Variants in FUT8 observed in about 807,000 individuals in gnomAD.
FUT8 encodes the protein alpha-(1,6)-fucosyltransferase.
A neutral mutation model predicts 71.3 loss-of-function variants in FUT8; 29 were observed. The observed-to-expected ratio is 0.41, with a 90% CI of 0.30 to 0.55. FUT8 has a LOEUF of 0.55. Ranked by LOEUF, FUT8 falls within the 20% of genes least tolerant of loss-of-function variation. The pLI is 0.34. For synonymous variants in FUT8, 254 were observed against 239.3 expected, an observed-to-expected ratio of 1.06 and a Z score of -0.57; for missense variants, 544 against 702.1, an observed-to-expected ratio of 0.77 and a Z score of 2.55.
chr14:65,742,150 T>A lies in FUT8; in HGVS notation c.1468T>A (p.Phe490Ile). The stretch of plus-strand genomic sequence containing the variant: ...ACTACATCCTGATGCCTCTGCAAAC[T>A]TCCATTCTTTAGATGACATCTACTA... ...QTLHPDASAN[F>I]HSLDDIYYFG... Residue 490 changes from phenylalanine (F) to isoleucine (I), a missense_variant, in exon 11 of 11, where the codon TTC (phenylalanine) becomes ATC (isoleucine). By Grantham distance (21) the Phe-to-Ile change is conservative (BLOSUM62 0). Coordinates refer to ENST00000673929, the MANE Select transcript of FUT8 (RefSeq NM_001371533.1). 1 of 1,613,116 alleles carries A rather than the reference T, an allele frequency of 6.2e-7. No individual in the cohort carries two copies. Among genetic ancestry groups the A allele is most frequent in the Non-Finnish European group, 8.5e-7 (1 of 1,179,386 alleles).
chr14:65,537,844 T>A (rs1350062859), intron 2 of FUT8, among the ~76,000 whole-genome samples: 1 of 152,250 alleles, frequency 6.6e-6, no homozygotes. Flanking sequence ...CTGTGAACTG[T>A]TGTGCTGGAG....
chr14:65,423,991 C>T (rs2139398208), intron 1 of FUT8, among the ~76,000 whole-genome samples: 1 of 152,294 alleles, frequency 6.6e-6, no homozygotes, highest in East Asian at 1.9e-4. Context: ...CTGCAGACCT[C>T]AATCTACAGT....
Position 65,669,261 on chromosome 14 carries a change from A to G in FUT8, c.616A>G (p.Lys206Glu). The G allele has an allele frequency of 6.2e-7, 1 of 1,613,636 alleles. No individual in the cohort carries two copies. The highest frequency in any genetic ancestry group is 8.5e-7 in the Non-Finnish European group (1 of 1,179,828). ...TYLQNPKDCS[K>E]AKKLVCNINK... ...CTGACAGAATCCCAAGGACTGCAGCAAAGCCAAAAAGCTGGTGTGTAATAT... is the reference window on the plus strand; with the variant it reads ...CTGACAGAATCCCAAGGACTGCAGCGAAGCCAAAAAGCTGGTGTGTAATAT... Residue 206 changes from lysine (K) to glutamate (E), a missense_variant, in exon 7 of 11, where the codon AAA (lysine) becomes GAA (glutamate). Transcript: ENST00000673929. This position sits in a 1 kb window ranked among gnomAD's most constrained non-coding sequence, Gnocchi z 4.5.
chr14:65,376,384 G>A, the FUT8 span, among the ~76,000 whole-genome samples: 1 of 152,146 alleles, frequency 6.6e-6, no homozygotes, highest in South Asian at 2.1e-4. Context: ...AGCAAGAAAT[G>A]AAAATCTCTC....
intron 2 of FUT8, among the ~76,000 whole-genome samples, chr14:65,534,016 G>T (rs536978965): frequency 1.3e-5 from 2 of 152,278 alleles, no homozygotes; most frequent in East Asian, 3.9e-4. Flanking sequence ...TATGCTTCCG[G>T]ATTTGTTTCG....
At chr14:65,536,522 G>C (rs1174353639) in intron 2 of FUT8, among the ~76,000 whole-genome samples, 1 of 152,100 alleles carries the variant, frequency 6.6e-6, no homozygotes, top group Admixed American at 6.5e-5. Flanking sequence ...AGTTTAGTTT[G>C]GCCAGTTATG....
At chr14:65,530,324 A>G (rs2139907803) in intron 2 of FUT8, among the ~76,000 whole-genome samples, 1 of 152,308 alleles carries the variant, frequency 6.6e-6, no homozygotes, top group Non-Finnish European at 1.5e-5. Flanking sequence ...TTATTACAGA[A>G]ATCAGTTTTG....
At position 65,717,754 on chromosome 14, in the gene FUT8, G is replaced by A. The variant is rs559373964; in HGVS notation, c.836-4021G>A. 2.7e-3 allele frequency among the ~76,000 whole-genome samples: 392 copies of A among 144,044 alleles called. 5 individuals carry two copies. The highest frequency in any genetic ancestry group is 9.5e-3 in the African/African-American group (368 of 38,734). The allele number at this position is 144,044 out of a possible 152,430, so 94.5% of individuals were successfully genotyped here. On this transcript the variant is annotated intron_variant, in intron 7 of 10. Coordinates refer to ENST00000673929, the MANE Select transcript of FUT8 (RefSeq NM_001371533.1). Reference sequence around the variant, plus strand: ...GCGCTCCTCACCTCTCAGACGGGGCGGCCTGGCAGAGGCACTCCTCAGTTC... The same window carrying A: ...GCGCTCCTCACCTCTCAGACGGGGCAGCCTGGCAGAGGCACTCCTCAGTTC...
rs528136265 is a variant in FUT8 at position 65,490,195 on chromosome 14, C to T, written c.-228+34477C>T. ...TCCTTTTGCATCTCTTTCACCCCCACCCCAAATAACCCAAATTTAGTTGTA... is the reference window on the plus strand; with the variant it reads ...TCCTTTTGCATCTCTTTCACCCCCATCCCAAATAACCCAAATTTAGTTGTA... On this transcript the variant is annotated intron_variant, in intron 2 of 10. Transcript: ENST00000673929. 5.3e-5 allele frequency among the ~76,000 whole-genome samples: 8 copies of T among 152,140 alleles called. No individual in the cohort carries two copies. The South Asian group carries it at 1.5e-3, about 28-fold the overall frequency.
chr14:65,441,121 G>A (rs1361185236), intron 1 of FUT8, among the ~76,000 whole-genome samples: 7 of 152,044 alleles, frequency 4.6e-5, no homozygotes, highest in Non-Finnish European at 1.0e-4. Flanking sequence ...TAGATAACTA[G>A]GAAGGGTAAG....
At position 65,558,396 on chromosome 14, in the gene FUT8, A is replaced by G. The variant is rs190977845; in HGVS notation, c.-227-2941A>G. 2.6e-5 allele frequency among the ~76,000 whole-genome samples: 4 copies of G among 151,884 alleles called. No individual in the cohort carries two copies. In the East Asian group the frequency reaches 7.7e-4, roughly 29 times the overall value. ...ATTTAATCAATCAAGGAATGTCTTT[A>G]TAAGATATATGTTGACAATAATAAA... On this transcript the variant is annotated intron_variant, in intron 2 of 10. Transcript: ENST00000673929.
At chr14:65,675,160 G>A (rs140949786) in intron 7 of FUT8, among the ~76,000 whole-genome samples, 1 of 152,260 alleles carries the variant, frequency 6.6e-6, no homozygotes, top group East Asian at 1.9e-4. Flanking sequence ...TTAAAATCTA[G>A]TGGGATCATC....
the FUT8 span, among the ~76,000 whole-genome samples, chr14:65,365,981 G>T: frequency 6.6e-6 from 1 of 152,070 alleles, no homozygotes; most frequent in African/African-American, 2.4e-5. Context: ...GGGACTATAG[G>T]CATGCGCCAC....
At chr14:65,510,888 T>G (rs1230498294) in intron 2 of FUT8, among the ~76,000 whole-genome samples, 1 of 152,140 alleles carries the variant, frequency 6.6e-6, no homozygotes, top group Non-Finnish European at 1.5e-5. Flanking sequence ...TGTATTTTCT[T>G]TATTTCAATT....
chr14:65,612,880 T>C (rs1475023877), intron 3 of FUT8, among the ~76,000 whole-genome samples: 1 of 152,228 alleles, frequency 6.6e-6, no homozygotes, highest in East Asian at 1.9e-4. Context: ...GGAAGTCTTA[T>C]ATATCTGTAT....
chr14:65,552,299 C>T (rs1885334836), intron 2 of FUT8, among the ~76,000 whole-genome samples: 1 of 151,940 alleles, frequency 6.6e-6, no homozygotes. Context: ...GTAATATTAC[C>T]TATTGAAGGC....
intron 6 of FUT8, among the ~76,000 whole-genome samples, chr14:65,667,112 A>C (rs1225695461): frequency 6.6e-6 from 1 of 152,174 alleles, no homozygotes; most frequent in Non-Finnish European, 1.5e-5. Flanking sequence ...CCAGAACAAG[A>C]CAAGGATGCC....
intron 9 of FUT8, among the ~76,000 whole-genome samples, chr14:65,727,713 A>G (rs1895757377): frequency 6.6e-6 from 1 of 152,158 alleles, no homozygotes; most frequent in Non-Finnish European, 1.5e-5. Context: ...CATGACTTAC[A>G]CAAGTTTTCT....
chr14:65,611,213 GCGCGCGCGCGCACACACA>G lies in FUT8; in HGVS notation c.204-4763_204-4746del, dbSNP rs1888915669. Among the ~76,000 whole-genome samples the G allele has an allele frequency of 4.8e-4, 3 of 6,246 alleles. 1 individual carries two copies. The highest frequency in any genetic ancestry group is 8.4e-4 in the African/African-American group (3 of 3,564). The allele number at this position is 6,246 out of a possible 152,430, so 4.1% of individuals were successfully genotyped here. A position where few individuals can be genotyped will look rare whatever the true frequency, so the allele number is the denominator to read the frequency against. ...CACACACACACGCGCGCGCGCGCGCGCGCGCGCGCGCACACACACACACACACACACACACACACACAC... is the reference window on the plus strand; with the variant it reads ...CACACACACACGCGCGCGCGCGCGCGCACACACACACACACACACACACAC... On this transcript the variant is annotated intron_variant, in intron 3 of 10. Coordinates refer to ENST00000673929, the MANE Select transcript of FUT8 (RefSeq NM_001371533.1).
Sources: gnomAD v4.1 joint callset for allele counts (sites outside exome capture counted in the v4.1 genomes callset) on GRCh38, gnomAD v4.1.1 for gene constraint, Gnocchi (gnomAD v3.1) non-coding constraint, MANE v1.5 for transcripts, NCBI Gene and HGNC (gene_info 2026-07-23, HGNC 2026-07-21) for gene names.